Variants in QTMAN observed in about 807,000 individuals in gnomAD.
QTMAN encodes queuosine-tRNA mannosyltransferase.
the QTMAN span, among the ~76,000 whole-genome samples, chr2:144,318,514 A>G: frequency 6.6e-6 from 1 of 152,320 alleles, no homozygotes. Context: ...AATGAAATCA[A>G]TTCCACATAA....
chr2:144,150,052 A>G, the QTMAN span, among the ~76,000 whole-genome samples: 1 of 151,772 alleles, frequency 6.6e-6, no homozygotes, highest in Admixed American at 6.6e-5. Context: ...AGGTCACCTC[A>G]CTCTTGCCCC....
At chr2:144,059,032 T>C in the QTMAN span, among the ~76,000 whole-genome samples, 1 of 152,236 alleles carries the variant, frequency 6.6e-6, no homozygotes, top group African/African-American at 2.4e-5. Flanking sequence ...CTCAAATGTC[T>C]TTGCTGGCTC....
chr2:144,308,557 A>C, the QTMAN span, among the ~76,000 whole-genome samples: 1 of 152,176 alleles, frequency 6.6e-6, no homozygotes, highest in Non-Finnish European at 1.5e-5. Context: ...CTTACCGCAC[A>C]CTATATATAA....
chr2:143,993,418 G>A, the QTMAN span, among the ~76,000 whole-genome samples: 2 of 151,970 alleles, frequency 1.3e-5, no homozygotes, highest in Non-Finnish European at 2.9e-5. Context: ...AAAAAAAAGG[G>A]GGGGGGACTT....
the QTMAN span, among the ~76,000 whole-genome samples, chr2:144,079,850 G>C: frequency 2.6e-5 from 4 of 152,060 alleles, no homozygotes; most frequent in Admixed American, 2.6e-4. Context: ...GGATGACCTA[G>C]AGTCTAATTT....
chr2:144,116,302 G>T, the QTMAN span, among the ~76,000 whole-genome samples: 1 of 137,798 alleles, frequency 7.3e-6, no homozygotes, highest in Non-Finnish European at 1.6e-5. Flanking sequence ...TGTTGGGGTG[G>T]GGGGGTGGGG....
chr2:144,217,036 G>A, the QTMAN span, among the ~76,000 whole-genome samples: 17 of 152,238 alleles, frequency 1.1e-4, no homozygotes, highest in South Asian at 2.3e-3. Flanking sequence ...GATGAATAAT[G>A]TATTTCCTTC....
At chr2:143,955,628 T>C in the QTMAN span, among the ~76,000 whole-genome samples, 1 of 152,190 alleles carries the variant, frequency 6.6e-6, no homozygotes, top group Admixed American at 6.5e-5. Flanking sequence ...GATTGTTGCA[T>C]TCCCTATTTC....
At chr2:144,156,895 A>G in the QTMAN span, among the ~76,000 whole-genome samples, 2 of 152,056 alleles carry the variant, frequency 1.3e-5, no homozygotes, top group African/African-American at 4.8e-5. Flanking sequence ...AGGACCTTAA[A>G]ATTTCCTAGG....
At chr2:144,082,439 C>T in the QTMAN span, among the ~76,000 whole-genome samples, 1 of 152,108 alleles carries the variant, frequency 6.6e-6, no homozygotes, top group Non-Finnish European at 1.5e-5. Flanking sequence ...CTCTGAAGAA[C>T]TGTATTAAAA....
chr2:144,115,610 AGCACTTTTTT>A, the QTMAN span, among the ~76,000 whole-genome samples: 28 of 152,312 alleles, frequency 1.8e-4, no homozygotes, highest in Non-Finnish European at 3.8e-4. Flanking sequence ...GTTTTCTCCA[AGCACTTTTTT>A]GTTCATTCAA....
chr2:144,217,887 CA>C, the QTMAN span, among the ~76,000 whole-genome samples: 2 of 152,264 alleles, frequency 1.3e-5, no homozygotes, highest in African/African-American at 4.8e-5. Flanking sequence ...GTTCTCTTGA[CA>C]AAACAATCTG....
the QTMAN span, among the ~76,000 whole-genome samples, chr2:144,331,405 A>G: frequency 2.4e-4 from 37 of 151,892 alleles, no homozygotes; most frequent in Admixed American, 8.6e-4. Flanking sequence ...AATCAACTTC[A>G]GGGGTAGGCA....
the QTMAN span, chr2:143,970,515 T>G: frequency 1.5e-6 from 1 of 663,760 alleles, no homozygotes; most frequent in South Asian, 1.7e-5. Flanking sequence ...GAATCAGACT[T>G]TAATGCCATC....
chr2:144,167,852 C>T, the QTMAN span, among the ~76,000 whole-genome samples: 4 of 152,208 alleles, frequency 2.6e-5, no homozygotes, highest in Non-Finnish European at 4.4e-5. Flanking sequence ...TCACCCTCTG[C>T]CATATGTTAG....
At chr2:143,976,438 A>G in the QTMAN span, among the ~76,000 whole-genome samples, 1 of 152,218 alleles carries the variant, frequency 6.6e-6, no homozygotes, top group Non-Finnish European at 1.5e-5. Flanking sequence ...CCATTATGAA[A>G]TAGCACTTCA....
chr2:144,021,999 C>CA, the QTMAN span, among the ~76,000 whole-genome samples: 2 of 151,986 alleles, frequency 1.3e-5, no homozygotes, highest in African/African-American at 4.8e-5. Context: ...ACAATTTTGT[C>CA]AGAGTGTAGC....
At chr2:144,226,228 C>G in the QTMAN span, among the ~76,000 whole-genome samples, 5 of 152,066 alleles carry the variant, frequency 3.3e-5, no homozygotes, top group Non-Finnish European at 7.4e-5. Flanking sequence ...TGGAGAAATG[C>G]AAAGCATAAA....
the QTMAN span, among the ~76,000 whole-genome samples, chr2:144,191,886 G>C: frequency 6.6e-6 from 1 of 151,980 alleles, no homozygotes; most frequent in Non-Finnish European, 1.5e-5. Context: ...TTCCTCTACT[G>C]ACTGACCACT....
Sources: gnomAD v4.1 joint callset for allele counts (sites outside exome capture counted in the v4.1 genomes callset) on GRCh38, gnomAD v4.1.1 for gene constraint, MANE v1.5 for transcripts, NCBI Gene and HGNC (gene_info 2026-07-23, HGNC 2026-07-21) for gene names.